The following TJP1 variants were observed in gnomAD, a reference collection of about 807,000 sequenced individuals.
TJP1 encodes tight junction protein 1.
Under a neutral mutation model 194.2 loss-of-function variants are expected in TJP1, and 43 were observed. The ratio of observed to expected loss-of-function variants is 0.22; its 90% CI spans 0.17 to 0.29. The LOEUF (loss-of-function observed/expected upper bound fraction) is 0.29, where lower values mean the gene tolerates loss of function less well. TJP1 is among the 10% of genes least tolerant of loss of function. The pLI is 1.00. For synonymous variants in TJP1, 801 were observed against 779.0 expected, an observed-to-expected ratio of 1.03 and a Z score of -0.47; for missense variants, 1,971 against 2,185.7, an observed-to-expected ratio of 0.90 and a Z score of 1.96.
intron 2 of TJP1, among the ~76,000 whole-genome samples, chr15:29,852,505 G>A (rs1360890288): frequency 2.6e-5 from 4 of 152,196 alleles, no homozygotes; most frequent in African/African-American, 7.2e-5. Context: ...ACATTGCTGG[G>A]AATGTGATAT....
intron 11 of TJP1, among the ~76,000 whole-genome samples, 186 bp downstream of exon 11, chr15:29,737,078 C>T (rs1461214370): frequency 2.0e-5 from 3 of 152,108 alleles, no homozygotes; most frequent in Admixed American, 6.5e-5. Context: ...GAGCAAGATA[C>T]AAGAATGGGA....
chr15:29,752,613 C>A (rs1313850899), intron 8 of TJP1, among the ~76,000 whole-genome samples: 1 of 152,156 alleles, frequency 6.6e-6, no homozygotes, highest in African/African-American at 2.4e-5. Flanking sequence ...AATAAAACCT[C>A]ACATTGGAAT....
chr15:29,757,351 G>C (rs532589066), intron 8 of TJP1, among the ~76,000 whole-genome samples: 10 of 152,066 alleles, frequency 6.6e-5, no homozygotes, highest in African/African-American at 1.9e-4. Context: ...ACAGAGACCA[G>C]GTCATTTTTT....
At chr15:29,887,088 A>T (rs1486348183) in intron 2 of TJP1, among the ~76,000 whole-genome samples, 1 of 151,992 alleles carries the variant, frequency 6.6e-6, no homozygotes, top group African/African-American at 2.4e-5. Flanking sequence ...TATTCAGAAG[A>T]TGCCACAAAT....
chr15:29,898,570 T>C (rs1195564870), intron 2 of TJP1, among the ~76,000 whole-genome samples: 4 of 152,208 alleles, frequency 2.6e-5, no homozygotes, highest in Non-Finnish European at 5.9e-5. Context: ...TAAAATCTAT[T>C]AGACAAATGA....
At chr15:29,968,459 C>T (rs1447671784) in intron 1 of TJP1, 1 of 960,730 alleles carries the variant, frequency 1.0e-6, no homozygotes. Flanking sequence ...AACCAGTCAG[C>T]GGGCACGCGG....
At chr15:29,968,922 C>G, upstream of TJP1, 1 of 204,410 alleles carries the variant, frequency 4.9e-6, no homozygotes, top group Non-Finnish European at 8.5e-6. Context: ...CCGTGCGTGG[C>G]CCGGGCTCCC....
At chr15:29,848,328 G>A (rs2051498800) in intron 2 of TJP1, among the ~76,000 whole-genome samples, 1 of 152,078 alleles carries the variant, frequency 6.6e-6, no homozygotes, top group South Asian at 2.1e-4. Flanking sequence ...CTATAATTGT[G>A]GGCTTGTCTA....
rs1410632940 is a variant in TJP1, at chr15:29,701,468, A to C, written c.*127T>G. On this transcript the variant is annotated 3_prime_UTR_variant, in exon 28 of 28. Transcript: ENST00000614355. ...CATGCTCACTCATCTTTATCAGTTC[A>C]AACAAATGCCTCATACTAACAAACT... 8.2e-6 allele frequency: 6 copies of C among 731,828 alleles called. No homozygotes were observed. The highest frequency in any genetic ancestry group is 1.3e-5 in the Non-Finnish European group (6 of 445,628). 45.3% of individuals were successfully genotyped at this position (731,828 alleles called of 1,614,324 possible). A position where few individuals can be genotyped will look rare whatever the true frequency, so the allele number is the denominator to read the frequency against.
intron 2 of TJP1, among the ~76,000 whole-genome samples, chr15:29,903,692 C>T (rs1178750131): frequency 6.6e-6 from 1 of 152,198 alleles, no homozygotes; most frequent in Non-Finnish European, 1.5e-5. Flanking sequence ...GATCCGCCCG[C>T]CTCGGCCTCC....
At chr15:29,725,389 C>A (rs1300457573) in intron 18 of TJP1, among the ~76,000 whole-genome samples, 1 of 152,128 alleles carries the variant, frequency 6.6e-6, no homozygotes, top group Non-Finnish European at 1.5e-5. Context: ...CCTAAGCATG[C>A]AGCATGCACT....
At chr15:29,750,249 C>G (rs890310519) in intron 8 of TJP1, among the ~76,000 whole-genome samples, 1 of 152,100 alleles carries the variant, frequency 6.6e-6, no homozygotes, top group Non-Finnish European at 1.5e-5. Context: ...ATGATCAGCC[C>G]GCCTCAGCCT....
At chr15:29,801,468 T>A (rs1255460981) in intron 1 of TJP1, among the ~76,000 whole-genome samples, 5 of 150,870 alleles carry the variant, frequency 3.3e-5, no homozygotes, top group East Asian at 1.9e-4. Flanking sequence ...TTATTATTTT[T>A]TTTTTTTTTT....
At chr15:29,946,729 C>T (rs2055296767) in intron 2 of TJP1, among the ~76,000 whole-genome samples, 1 of 152,170 alleles carries the variant, frequency 6.6e-6, no homozygotes. Context: ...CATATCTATT[C>T]ATTCATTTGA....
At chr15:29,738,713 AT>A (rs1339600553) in intron 10 of TJP1, among the ~76,000 whole-genome samples, 1 of 151,822 alleles carries the variant, frequency 6.6e-6, no homozygotes, top group African/African-American at 2.4e-5. Flanking sequence ...CTCTTTAAAT[AT>A]TTCCTCAAAG....
chr15:29,880,355 T>TA (rs1195094890), intron 2 of TJP1, among the ~76,000 whole-genome samples: 1 of 152,224 alleles, frequency 6.6e-6, no homozygotes, highest in Admixed American at 6.5e-5. Context: ...AATTTGGACA[T>TA]ACGCAAACAT....
chr15:29,889,025 G>A (rs935540409), intron 2 of TJP1, among the ~76,000 whole-genome samples: 7 of 152,170 alleles, frequency 4.6e-5, no homozygotes, highest in Non-Finnish European at 1.0e-4. Flanking sequence ...AGACAGAGAC[G>A]CAAATCTGCT....
intron 2 of TJP1, among the ~76,000 whole-genome samples, chr15:29,903,274 C>T (rs1445576776): frequency 6.6e-6 from 1 of 152,124 alleles, no homozygotes; most frequent in Non-Finnish European, 1.5e-5. Context: ...ACAAACCCTG[C>T]ATGCCACAAA....
intron 1 of TJP1, among the ~76,000 whole-genome samples, chr15:29,809,746 T>C (rs981409835): frequency 6.6e-6 from 1 of 152,050 alleles, no homozygotes; most frequent in Non-Finnish European, 1.5e-5. Context: ...CTCAGGAGGC[T>C]GAGGCAGGAG....
Sources: allele counts gnomAD v4.1 joint callset (sites outside exome capture counted in the v4.1 genomes callset), GRCh38; gene constraint gnomAD v4.1.1; transcripts MANE v1.5; gene names NCBI Gene and HGNC (gene_info 2026-07-23, HGNC 2026-07-21).